Variants in XPR1 observed in about 807,000 individuals in gnomAD.
The protein encoded by XPR1 is xenotropic and polytropic retrovirus receptor 1.
Under a neutral mutation model 87.5 loss-of-function variants are expected in XPR1, and 28 were observed. The ratio of observed to expected loss-of-function variants is 0.32; its 90% confidence interval spans 0.24 to 0.44. XPR1 has a LOEUF of 0.44. XPR1 is among the 20% of genes least tolerant of loss of function. XPR1 has a pLI of 1.00. For synonymous variants in XPR1, 300 were observed against 306.1 expected (o/e 0.98, Z 0.21); for missense variants, 559 against 862.3 (o/e 0.65, Z 4.41).
chr1:180,682,703 T>TCCCTC (rs1436155378), intron 2 of XPR1, among the ~76,000 whole-genome samples: 1 of 152,014 alleles, frequency 6.6e-6, no homozygotes, highest in Admixed American at 6.6e-5. Flanking sequence ...TTCCTTGCCT[T>TCCCTC]CCCTCCCCTC....
At chr1:180,760,496 A>G (rs1458701707) in intron 2 of XPR1, among the ~76,000 whole-genome samples, 1 of 152,208 alleles carries the variant, frequency 6.6e-6, no homozygotes, top group Non-Finnish European at 1.5e-5. Context: ...CCAAATCATG[A>G]GTGAACTTCC....
chr1:180,740,450 T>A (rs1248294378), intron 2 of XPR1, among the ~76,000 whole-genome samples: 1 of 152,172 alleles, frequency 6.6e-6, no homozygotes, highest in Non-Finnish European at 1.5e-5. Flanking sequence ...ACACTGTAAT[T>A]TAGATTACAT....
intron 6 of XPR1, among the ~76,000 whole-genome samples, chr1:180,807,716 A>C (rs1267720274): frequency 2.6e-5 from 4 of 152,166 alleles, no homozygotes; most frequent in African/African-American, 9.6e-5. Context: ...TTAAAAATTT[A>C]TATGGAGGCC....
At chr1:180,732,101 G>A (rs1182124966) in intron 2 of XPR1, among the ~76,000 whole-genome samples, 2 of 151,502 alleles carry the variant, frequency 1.3e-5, no homozygotes, top group African/African-American at 4.9e-5. Flanking sequence ...CCTGAGGCAG[G>A]AGAATTGCTT....
chr1:180,856,760 A>G (rs1429938581), intron 11 of XPR1, among the ~76,000 whole-genome samples: 1 of 152,072 alleles, frequency 6.6e-6, no homozygotes, highest in Non-Finnish European at 1.5e-5. Flanking sequence ...TGTTCCTTAA[A>G]CTTATACTCA....
In XPR1 at chr1:180,813,038, T is replaced by C. The variant is rs1471815827; in HGVS notation, c.763+1550T>C. ...CCTCCTTATAGCTACTAGTGTCTTTTTTCCCCCCCCCCAATGGAAGTTAGA... is the reference window on the plus strand; with the variant it reads ...CCTCCTTATAGCTACTAGTGTCTTTCTTCCCCCCCCCCAATGGAAGTTAGA... On this transcript the variant is annotated intron_variant, in intron 7 of 14. Coordinates refer to ENST00000367590, the MANE Select transcript of XPR1 (RefSeq NM_004736.4). Among the ~76,000 whole-genome samples, 244 of 118,458 alleles carry C rather than the reference T, an allele frequency of 2.1e-3. 1 individual carries two copies. Among genetic ancestry groups the C allele is most frequent in the African/African-American group, 6.9e-3 (234 of 34,098 alleles). The allele number at this position is 118,458 out of a possible 152,430, so 77.7% of individuals were successfully genotyped here.
chr1:180,832,589 G>A lies in XPR1; in HGVS notation c.1135-2285G>A, dbSNP rs183752765. 1.4e-4 allele frequency among the ~76,000 whole-genome samples: 21 copies of A among 152,310 alleles called. 1 individual carries two copies. The South Asian group carries it at 4.4e-3, about 32-fold the overall frequency. On this transcript the variant is annotated intron_variant, in intron 9 of 14. Coordinates refer to ENST00000367590, the MANE Select transcript of XPR1 (RefSeq NM_004736.4). Reference sequence around the variant, plus strand: ...GTGTAAGGTGTAAGGAAGGGATCCAGTTTCAGCTTTCTGCATAGGCTACCC... The same window carrying A: ...GTGTAAGGTGTAAGGAAGGGATCCAATTTCAGCTTTCTGCATAGGCTACCC...
intron 3 of XPR1, among the ~76,000 whole-genome samples, chr1:180,803,106 C>G (rs1218298390): frequency 1.3e-5 from 2 of 152,152 alleles, no homozygotes; most frequent in African/African-American, 4.8e-5. Context: ...AGCTATTTTC[C>G]AAATACCAGA....
intron 11 of XPR1, 52 bp downstream of exon 11, chr1:180,836,768 C>T: frequency 6.3e-7 from 1 of 1,582,656 alleles, no homozygotes; most frequent in Non-Finnish European, 8.6e-7. Flanking sequence ...ATTTTTACTA[C>T]CTGACTCTAT....
At chr1:180,758,148 T>C (rs1011942717) in intron 2 of XPR1, among the ~76,000 whole-genome samples, 29 of 83,892 alleles carry the variant, frequency 3.5e-4, no homozygotes, top group African/African-American at 9.9e-4. Context: ...CACACACACA[T>C]TATTCAGCCA....
intron 11 of XPR1, among the ~76,000 whole-genome samples, chr1:180,854,011 GA>G (rs1651958255): frequency 6.6e-6 from 1 of 150,900 alleles, no homozygotes; most frequent in South Asian, 2.1e-4. Context: ...TGTTGTAAAG[GA>G]AAAAAATGAT....
intron 2 of XPR1, among the ~76,000 whole-genome samples, chr1:180,744,604 T>C (rs1659020080): frequency 6.6e-6 from 1 of 151,714 alleles, no homozygotes; most frequent in African/African-American, 2.4e-5. Flanking sequence ...CTTGCTTATA[T>C]CCTGTATAGA....
At chr1:180,648,469 T>C (rs769068707) in intron 1 of XPR1, among the ~76,000 whole-genome samples, 1 of 152,242 alleles carries the variant, frequency 6.6e-6, no homozygotes, top group Non-Finnish European at 1.5e-5. Flanking sequence ...ACTAAATATC[T>C]ATAGAAAGTA....
chr1:180,863,661 T>G (rs1268956613), intron 11 of XPR1, 47 bp from the exon 12 acceptor site: 3 of 1,493,644 alleles, frequency 2.0e-6, no homozygotes, highest in Non-Finnish European at 2.7e-6. Flanking sequence ...AAAATTTTAC[T>G]TAAATGTAGT....
At chr1:180,636,818 G>A (rs187544971) in intron 1 of XPR1, among the ~76,000 whole-genome samples, 7 of 152,254 alleles carry the variant, frequency 4.6e-5, no homozygotes, top group African/African-American at 1.4e-4. Flanking sequence ...TTGGGAGGCC[G>A]AGGCAGGCGG....
chr1:180,863,608 T>G, intron 11 of XPR1, 100 bp from the exon 12 acceptor site: 13 of 1,050,204 alleles, frequency 1.2e-5, no homozygotes, highest in Non-Finnish European at 1.6e-5. Flanking sequence ...TGCTTTCTTA[T>G]GGAGCTATTT....
intron 9 of XPR1, among the ~76,000 whole-genome samples, chr1:180,830,236 A>C (rs1315860909): frequency 2.0e-5 from 3 of 152,120 alleles, no homozygotes; most frequent in Non-Finnish European, 4.4e-5. Flanking sequence ...CCTCACAAAA[A>C]GTTTGCTTTA....
chr1:180,669,867 C>G (rs1264237148), intron 1 of XPR1, among the ~76,000 whole-genome samples: 1 of 151,916 alleles, frequency 6.6e-6, no homozygotes, highest in African/African-American at 2.4e-5. Flanking sequence ...CAACAATATA[C>G]CGTGATAAAA....
chr1:180,728,139 G>A (rs1309400382), intron 2 of XPR1, among the ~76,000 whole-genome samples: 1 of 152,044 alleles, frequency 6.6e-6, no homozygotes, highest in Non-Finnish European at 1.5e-5. Context: ...TAAAGCAAAA[G>A]GATTTACATT....
Sources: allele counts gnomAD v4.1 joint callset (sites outside exome capture counted in the v4.1 genomes callset), GRCh38; gene constraint gnomAD v4.1.1; transcripts MANE v1.5; gene names NCBI Gene and HGNC (gene_info 2026-07-23, HGNC 2026-07-21).